The following PTPRD variants were observed in gnomAD, a reference collection of about 807,000 sequenced individuals.
PTPRD encodes protein tyrosine phosphatase receptor type D, also known as receptor-type tyrosine-protein phosphatase delta.
PTPRD carries 34 observed loss-of-function variants against 214.5 expected under a neutral mutation model. That is an observed-to-expected ratio of 0.16 (90% CI 0.12 to 0.21). The LOEUF is 0.21. PTPRD is among the 10% of genes least tolerant of loss of function. PTPRD has a pLI of 1.00. For synonymous variants in PTPRD, 1,128 were observed against 845.7 expected, an observed-to-expected ratio of 1.33 and a Z score of -5.79; for missense variants, 2,545 against 2,398.7, an observed-to-expected ratio of 1.06 and a Z score of -1.27.
At chr9:8,455,623 C>T (rs2096164083) in intron 33 of PTPRD, among the ~76,000 whole-genome samples, 1 of 152,054 alleles carries the variant, frequency 6.6e-6, no homozygotes, top group Non-Finnish European at 1.5e-5. Context: ...TAAAAAAATC[C>T]ACATTTAAAT....
chr9:10,411,363 C>CCAGTTCAT (rs2098434779), intron 2 of PTPRD, among the ~76,000 whole-genome samples: 2 of 151,696 alleles, frequency 1.3e-5, no homozygotes, highest in Non-Finnish European at 1.5e-5. Context: ...ACAGGATTTC[C>CCAGTTCAT]CAGTTCATCA....
At chr9:8,647,308 A>G (rs939538523) in intron 12 of PTPRD, among the ~76,000 whole-genome samples, 1 of 152,242 alleles carries the variant, frequency 6.6e-6, no homozygotes, top group Non-Finnish European at 1.5e-5. Context: ...TAAATTAGAA[A>G]ATGTACATGA....
At chr9:10,115,818 T>C (rs1030782033) in intron 3 of PTPRD, among the ~76,000 whole-genome samples, 1 of 152,076 alleles carries the variant, frequency 6.6e-6, no homozygotes, top group African/African-American at 2.4e-5. Context: ...CTCTTAAATA[T>C]AGGACAATAA....
chr9:10,545,552 C>T (rs987180083), intron 2 of PTPRD, among the ~76,000 whole-genome samples: 7 of 151,876 alleles, frequency 4.6e-5, no homozygotes, highest in African/African-American at 1.7e-4. Context: ...TTATTTTGAT[C>T]CAGGTAATAT....
intron 14 of PTPRD, among the ~76,000 whole-genome samples, chr9:8,600,852 G>T (rs1324932096): frequency 1.3e-5 from 2 of 151,864 alleles, no homozygotes; most frequent in Non-Finnish European, 2.9e-5. Flanking sequence ...GTGGCTATGG[G>T]GAGAAACTGC....
At chr9:9,816,789 G>C (rs1276040935) in intron 5 of PTPRD, among the ~76,000 whole-genome samples, 1 of 151,884 alleles carries the variant, frequency 6.6e-6, no homozygotes, top group African/African-American at 2.4e-5. Context: ...GTAATAGATA[G>C]TGAACTGGAA....
At chr9:10,253,405 C>G (rs945304035) in intron 3 of PTPRD, among the ~76,000 whole-genome samples, 2 of 152,144 alleles carry the variant, frequency 1.3e-5, no homozygotes, top group African/African-American at 2.4e-5. Context: ...ATAAAGAAGA[C>G]AAGGCATGCA....
chr9:8,359,082 T>C (rs1210057671), intron 39 of PTPRD, among the ~76,000 whole-genome samples: 1 of 103,456 alleles, frequency 9.7e-6, no homozygotes, highest in East Asian at 3.4e-4. Context: ...CACTCCCACC[T>C]GGGCCACAGA....
At chr9:9,923,045 A>G (rs1048609709) in intron 5 of PTPRD, among the ~76,000 whole-genome samples, 1 of 151,946 alleles carries the variant, frequency 6.6e-6, no homozygotes, top group Admixed American at 6.6e-5. Context: ...CTTAGAAAAC[A>G]CACATTGAAA....
intron 2 of PTPRD, among the ~76,000 whole-genome samples, chr9:10,473,415 T>G (rs907403684): frequency 6.6e-6 from 1 of 152,132 alleles, no homozygotes; most frequent in African/African-American, 2.4e-5. Flanking sequence ...GATATCTCAG[T>G]GCTATTAATT....
intron 10 of PTPRD, among the ~76,000 whole-genome samples, chr9:9,134,464 T>C (rs554070078): frequency 2.0e-5 from 3 of 152,338 alleles, no homozygotes; most frequent in African/African-American, 4.8e-5. Context: ...ACTTGGTCTA[T>C]GCTTGCTAAA....
At chr9:8,532,618 G>A (rs980870568) in intron 14 of PTPRD, among the ~76,000 whole-genome samples, 27 of 152,166 alleles carry the variant, frequency 1.8e-4, no homozygotes, top group Non-Finnish European at 1.5e-5. Context: ...AAGCTTTAAA[G>A]TGCCTTACTT....
chr9:9,970,701 G>T (rs1422786157), intron 4 of PTPRD, among the ~76,000 whole-genome samples: 1 of 152,144 alleles, frequency 6.6e-6, no homozygotes, highest in Non-Finnish European at 1.5e-5. Flanking sequence ...CGTCCCGCTG[G>T]TTGACCGAAT....
Position 8,389,279 on chromosome 9 carries a change from G to A in PTPRD, c.4339C>T (p.Arg1447Trp), listed in dbSNP as rs758084050. ...GTCATCATGACAACTGTGGCACTCC[G>A]TTGTTCCCATATCATTCTCCAAAAG... The part of the protein sequence containing the change: ...GDFWRMIWEQ[R>W]SATVVMMTKL... The change falls in exon 37 of 46, where the codon CGG (arginine) becomes TGG (tryptophan). Residue 1447 changes from arginine to tryptophan, a missense_variant. Transcript: ENST00000381196. 6 of 1,612,432 alleles carry A rather than the reference G, an allele frequency of 3.7e-6. No homozygotes were observed. Among genetic ancestry groups the A allele is most frequent in the South Asian group, 3.3e-5 (3 of 90,860 alleles).
At chr9:9,836,399 C>T (rs963573385) in intron 5 of PTPRD, among the ~76,000 whole-genome samples, 2 of 152,238 alleles carry the variant, frequency 1.3e-5, no homozygotes, top group East Asian at 1.9e-4. Context: ...TGAATGGGCT[C>T]ATTACCCACG....
intron 3 of PTPRD, among the ~76,000 whole-genome samples, chr9:10,194,317 CATATATATAT>C (rs5896377): frequency 5.8e-4 from 44 of 75,820 alleles, no homozygotes; most frequent in South Asian, 1.3e-3. Flanking sequence ...TATAGCTATT[CATATATATAT>C]ATATATATAT....
At chr9:8,924,644 C>T (rs554526966) in intron 11 of PTPRD, among the ~76,000 whole-genome samples, 3 of 152,016 alleles carry the variant, frequency 2.0e-5, no homozygotes, top group East Asian at 3.9e-4. Context: ...TTAGCAAACT[C>T]GCCAACTCCT....
At chr9:8,944,285 G>A (rs1187923275) in intron 11 of PTPRD, among the ~76,000 whole-genome samples, 1 of 152,010 alleles carries the variant, frequency 6.6e-6, no homozygotes, top group Non-Finnish European at 1.5e-5. Flanking sequence ...AAAGGGGAAT[G>A]CTCATACACT....
At chr9:9,583,450 G>A (rs576805373) in intron 7 of PTPRD, among the ~76,000 whole-genome samples, 15 of 152,048 alleles carry the variant, frequency 9.9e-5, no homozygotes, top group East Asian at 3.9e-4. Flanking sequence ...TTCCAAAAAC[G>A]TCCTCTGAAC....
Sources: allele counts gnomAD v4.1 joint callset (sites outside exome capture counted in the v4.1 genomes callset), GRCh38; gene constraint gnomAD v4.1.1; transcripts MANE v1.5; gene names NCBI Gene and HGNC (gene_info 2026-07-23, HGNC 2026-07-21).